The following PTPRN2 variants were observed in gnomAD, a reference collection of about 807,000 sequenced individuals.
The protein encoded by PTPRN2 is protein tyrosine phosphatase receptor type N2, also known as receptor-type tyrosine-protein phosphatase N2.
In PTPRN2, 74 loss-of-function variants were observed where a neutral mutation model predicts 118.8. The ratio of observed to expected loss-of-function variants is 0.62; its 90% confidence interval spans 0.52 to 0.76. The LOEUF is 0.76. Among genes scored for constraint, PTPRN2 ranks in the 30% least tolerant of loss-of-function variants. The probability of loss-of-function intolerance (pLI) is 0.00; values close to 1 mark genes in which losing one functional copy is unlikely to be tolerated. For missense variants in PTPRN2, 1,481 were observed against 1,394.4 expected (o/e 1.06, Z -0.99); for synonymous variants, 641 against 608.0 (o/e 1.05, Z -0.80).
intron 2 of PTPRN2, among the ~76,000 whole-genome samples, chr7:158,341,281 C>A (rs1445256923): frequency 1.1e-4 from 16 of 149,520 alleles, no homozygotes; most frequent in African/African-American, 3.8e-4. Flanking sequence ...CACACTCTCA[C>A]CATAAGAGCC....
intron 2 of PTPRN2, among the ~76,000 whole-genome samples, chr7:158,443,285 T>A (rs113003556): frequency 0.079 from 11,964 of 152,248 alleles, 532 homozygotes; most frequent in Non-Finnish European, 0.1. Flanking sequence ...AGGCATGGCT[T>A]CTCCCCGAAG....
chr7:157,754,762 G>C (rs984951242), intron 12 of PTPRN2, among the ~76,000 whole-genome samples: 1 of 152,234 alleles, frequency 6.6e-6, no homozygotes, highest in African/African-American at 2.4e-5. Context: ...GGGATGCCAC[G>C]TCAAGTTGGT....
intron 14 of PTPRN2, among the ~76,000 whole-genome samples, chr7:157,634,746 T>G (rs1804202013): frequency 6.6e-6 from 1 of 152,232 alleles, no homozygotes; most frequent in East Asian, 1.9e-4. Context: ...CTGTGAAAGA[T>G]TCACAGGCTG....
chr7:158,245,237 G>A lies in PTPRN2; in HGVS notation c.278-39964C>T, dbSNP rs12698176. On this transcript the variant is annotated intron_variant, in intron 3 of 22. Coordinates refer to ENST00000389418, the MANE Select transcript of PTPRN2 (RefSeq NM_002847.5). ...TCATGCCGGAACCCATGGCCATGCC[G>A]GAATCCGTGGTCATGCTGGAATCCA... Among the ~76,000 whole-genome samples, 14 of 23,000 alleles carry A rather than the reference G, an allele frequency of 6.1e-4. 1 individual carries two copies. The East Asian group carries it at 6.6e-3, about 11-fold the overall frequency. The allele number at this position is 23,000 out of a possible 152,430, so 15.1% of individuals were successfully genotyped here.
At chr7:158,175,371 G>C (rs1824096459) in intron 5 of PTPRN2, among the ~76,000 whole-genome samples, 1 of 152,184 alleles carries the variant, frequency 6.6e-6, no homozygotes, top group Admixed American at 6.5e-5. Flanking sequence ...GTGAATGTGG[G>C]GTTGGGATGA....
chr7:157,753,002 G>A (rs979715520), intron 12 of PTPRN2, among the ~76,000 whole-genome samples: 8 of 152,214 alleles, frequency 5.3e-5, no homozygotes, highest in East Asian at 1.9e-4. Context: ...GATAACAGAC[G>A]GTCAGGAGAT....
At position 158,135,936 on chromosome 7, in the gene PTPRN2, G is replaced by A. The variant is rs1427834068; in HGVS notation, c.1173+719C>T. On this transcript the variant is annotated intron_variant, in intron 8 of 22. Transcript: ENST00000389418. Reference sequence around the variant, plus strand: ...TGCTTAGAACGGTTCTTCATCCTTCGGCCTTGTATTCACGACCAAAGGTTC... The same window carrying A: ...TGCTTAGAACGGTTCTTCATCCTTCAGCCTTGTATTCACGACCAAAGGTTC... Among the ~76,000 whole-genome samples the A allele has an allele frequency of 3.3e-5, 5 of 152,264 alleles. No homozygotes were observed. In the South Asian group the frequency reaches 8.3e-4, roughly 25 times the overall value.
chr7:158,163,995 C>A (rs920716272), intron 6 of PTPRN2, among the ~76,000 whole-genome samples: 1 of 152,220 alleles, frequency 6.6e-6, no homozygotes, highest in African/African-American at 2.4e-5. Flanking sequence ...GCGCACAGTG[C>A]AGTTTGGAAG....
chr7:158,102,350 G>A (rs1815298921), intron 10 of PTPRN2, among the ~76,000 whole-genome samples: 1 of 152,188 alleles, frequency 6.6e-6, no homozygotes, highest in Admixed American at 6.5e-5. Context: ...GCCACCTCTT[G>A]TGACTGCCTG....
intron 21 of PTPRN2, among the ~76,000 whole-genome samples, chr7:157,557,905 G>A (rs1279547962): frequency 6.6e-6 from 1 of 151,188 alleles, no homozygotes; most frequent in Non-Finnish European, 1.5e-5. Context: ...GTATGAATGA[G>A]TACTGTCATT....
intron 2 of PTPRN2, among the ~76,000 whole-genome samples, chr7:158,441,534 A>AATAGTGATGGTGATGGCAGTGATAGTG (rs1563297976): frequency 1.3e-4 from 8 of 60,278 alleles, no homozygotes; most frequent in African/African-American, 2.4e-4. Context: ...TGGTGATGGT[A>AATAGTGATGGTGATGGCAGTGATAGTG]ATAGTGATGG....
intron 2 of PTPRN2, 59 bp from the exon 3 acceptor site, chr7:158,316,991 G>T: frequency 7.6e-7 from 1 of 1,321,474 alleles, no homozygotes; most frequent in Non-Finnish European, 1.1e-6. Context: ...AGAGCAGGAA[G>T]GTGTCACACA....
rs150807549 is a variant in PTPRN2, at chr7:157,539,759, T to G, written c.*955A>C. ...TCCGAGTTGCCCTGATCTCCTTCTC[T>G]CCCAGGAGGGAAATGTCCCCTCTCT... On this transcript the variant is annotated 3_prime_UTR_variant, in exon 23 of 23. Coordinates refer to ENST00000389418, the MANE Select transcript of PTPRN2 (RefSeq NM_002847.5). The G allele has an allele frequency of 1.4e-3, 218 of 151,980 alleles. 3 individuals are homozygous for G. The highest frequency in any genetic ancestry group is 5.0e-3 in the African/African-American group (207 of 41,234). The allele number at this position is 151,980 out of a possible 1,614,324, so 9.4% of individuals were successfully genotyped here.
chr7:157,672,583 C>T (rs1161835298), intron 13 of PTPRN2, among the ~76,000 whole-genome samples: 1 of 152,172 alleles, frequency 6.6e-6, no homozygotes, highest in Non-Finnish European at 1.5e-5. Flanking sequence ...GCGTTATTGT[C>T]CACTCTCCTG....
chr7:158,112,672 G>C (rs1011559741), intron 9 of PTPRN2, among the ~76,000 whole-genome samples: 1 of 152,168 alleles, frequency 6.6e-6, no homozygotes, highest in African/African-American at 2.4e-5. Flanking sequence ...CCAGCAGGGC[G>C]TCCAGGCTAG....
chr7:157,892,896 G>T lies in PTPRN2; in HGVS notation c.1788+5777C>A, dbSNP rs555557255. ...GATGCATCCAGGAATAAGGCCCATT[G>T]TTTCCTCTGAAGGCAGAACCCAGCC... On this transcript the variant is annotated intron_variant, in intron 12 of 22. Coordinates refer to ENST00000389418, the MANE Select transcript of PTPRN2 (RefSeq NM_002847.5). 1.8e-4 allele frequency among the ~76,000 whole-genome samples: 27 copies of T among 152,320 alleles called. No homozygotes were observed. In the South Asian group the frequency reaches 5.6e-3, roughly 32 times the overall value.
intron 11 of PTPRN2, among the ~76,000 whole-genome samples, chr7:157,989,068 G>A (rs895728015): frequency 9.2e-5 from 14 of 152,226 alleles, no homozygotes; most frequent in Non-Finnish European, 4.4e-5. Flanking sequence ...AGATACCCCC[G>A]GGCTGGAGGC....
chr7:158,073,537 AC>A (rs1462415863), intron 11 of PTPRN2, among the ~76,000 whole-genome samples: 2 of 152,180 alleles, frequency 1.3e-5, no homozygotes, highest in African/African-American at 4.8e-5. Flanking sequence ...AAAATGAGCC[AC>A]TTTCTGCTCC....
intron 2 of PTPRN2, among the ~76,000 whole-genome samples, chr7:158,424,684 A>G (rs538356790): frequency 1.8e-4 from 28 of 152,396 alleles, no homozygotes; most frequent in African/African-American, 6.5e-4. Context: ...AGCAGAGTCA[A>G]GCACGATGCT....
Sources: allele counts gnomAD v4.1 joint callset (sites outside exome capture counted in the v4.1 genomes callset), GRCh38; gene constraint gnomAD v4.1.1; transcripts MANE v1.5; gene names NCBI Gene and HGNC (gene_info 2026-07-23, HGNC 2026-07-21).